Variants in FBXL13 observed in about 807,000 individuals in gnomAD.
FBXL13 encodes F-box and leucine rich repeat protein 13, also known as F-box and leucine-rich repeat protein 13.
FBXL13 carries 67 observed loss-of-function variants against 83.6 expected under a neutral mutation model. That is an observed-to-expected ratio of 0.80 (90% CI 0.66 to 0.98). The LOEUF (loss-of-function observed/expected upper bound fraction) is 0.98, where lower values mean the gene tolerates loss of function less well. Among genes scored for constraint, FBXL13 ranks in the 50% least tolerant of loss-of-function variants. The probability of loss-of-function intolerance (pLI) is 0.00; values close to 1 mark genes in which losing one functional copy is unlikely to be tolerated. For missense variants in FBXL13, 822 were observed against 866.5 expected, an observed-to-expected ratio of 0.95 and a Z score of 0.64; for synonymous variants, 272 against 299.5, an observed-to-expected ratio of 0.91 and a Z score of 0.95.
At chr7:102,956,763 A>G (rs1380628391) in intron 8 of FBXL13, among the ~76,000 whole-genome samples, 13 of 152,206 alleles carry the variant, frequency 8.5e-5, no homozygotes, top group East Asian at 1.9e-4. Flanking sequence ...GAGCCAGATT[A>G]TGAGTGAATT....
chr7:102,899,764 C>T (rs1024322498), intron 11 of FBXL13, among the ~76,000 whole-genome samples: 1 of 152,142 alleles, frequency 6.6e-6, no homozygotes, highest in Non-Finnish European at 1.5e-5. Context: ...AATTAAAGAA[C>T]CTACAGTGTG....
intron 6 of FBXL13, among the ~76,000 whole-genome samples, chr7:103,003,278 GTT>G (rs563726626): frequency 0.021 from 1,557 of 75,874 alleles, 46 homozygotes; most frequent in African/African-American, 0.096. Flanking sequence ...TTGTTTTGGG[GTT>G]TTTTTTTTTT....
intron 6 of FBXL13, among the ~76,000 whole-genome samples, chr7:103,006,368 A>G (rs113940443): frequency 0.012 from 1,816 of 152,312 alleles, 36 homozygotes; most frequent in African/African-American, 0.042. Flanking sequence ...CCAGGGACAA[A>G]ACATATACCA....
intron 19 of FBXL13, among the ~76,000 whole-genome samples, chr7:102,818,133 G>A (rs1798253027): frequency 6.6e-6 from 1 of 152,162 alleles, no homozygotes; most frequent in Non-Finnish European, 1.5e-5. Flanking sequence ...AGGGAATGTT[G>A]GAGCCACCAC....
chr7:103,000,090 G>T (rs1790233004), intron 6 of FBXL13, among the ~76,000 whole-genome samples: 1 of 151,592 alleles, frequency 6.6e-6, no homozygotes, highest in Admixed American at 6.6e-5. Flanking sequence ...ATGTTGTTTT[G>T]GTGTGTTTTT....
chr7:102,934,169 A>G, intron 8 of FBXL13: 1 of 1,614,254 alleles, frequency 6.2e-7, no homozygotes, highest in Non-Finnish European at 8.5e-7. Context: ...TTTGCTGCAC[A>G]TGCTGCTAGC....
At chr7:102,930,570 T>C (rs1170877244) in intron 9 of FBXL13, among the ~76,000 whole-genome samples, 25 of 152,226 alleles carry the variant, frequency 1.6e-4, no homozygotes, top group Admixed American at 1.6e-3. Context: ...TTCTCAAATC[T>C]ACAATGCATT....
chr7:102,825,903 T>C (rs893919211), intron 18 of FBXL13, among the ~76,000 whole-genome samples: 1 of 152,222 alleles, frequency 6.6e-6, no homozygotes, highest in African/African-American at 2.4e-5. Context: ...CGAGCCTCAG[T>C]TTCCCCATTT....
chr7:102,879,069 A>C (rs886129078), intron 14 of FBXL13, among the ~76,000 whole-genome samples: 1 of 152,188 alleles, frequency 6.6e-6, no homozygotes, highest in African/African-American at 2.4e-5. Context: ...TGTTTGGCCC[A>C]TCAGTTCCCT....
chr7:102,893,966 G>GAGAAAGAGAC, intron 11 of FBXL13, among the ~76,000 whole-genome samples: 1 of 144,654 alleles, frequency 6.9e-6, no homozygotes, highest in African/African-American at 2.6e-5. Context: ...AAGAAAGAGA[G>GAGAAAGAGAC]AAAGAAAGAA....
At chr7:103,017,772 GA>G (rs202028326) in intron 6 of FBXL13, among the ~76,000 whole-genome samples, 20,449 of 151,690 alleles carry the variant, frequency 0.13, 1,453 homozygotes, top group Middle Eastern at 0.2. Flanking sequence ...CAAGTTTAGA[GA>G]AAAAAAAGAG....
At chr7:103,053,704 C>G (rs2129495765) in intron 2 of FBXL13, among the ~76,000 whole-genome samples, 1 of 152,266 alleles carries the variant, frequency 6.6e-6, no homozygotes, top group Admixed American at 6.5e-5. Flanking sequence ...TCCCCTAGGC[C>G]TCTCCCTCAG....
At chr7:102,879,060 G>A (rs1047489733) in intron 14 of FBXL13, among the ~76,000 whole-genome samples, 1 of 152,152 alleles carries the variant, frequency 6.6e-6, no homozygotes, top group Non-Finnish European at 1.5e-5. Flanking sequence ...CTGGATGTCT[G>A]TTTGGCCCAT....
chr7:102,940,553 T>C lies in FBXL13; in HGVS notation c.725-8620A>G, dbSNP rs114949813. Among the ~76,000 whole-genome samples, 569 of 152,308 alleles carry C rather than the reference T, an allele frequency of 3.7e-3. 5 individuals carry two copies. The highest frequency in any genetic ancestry group is 0.014 in the African/African-American group (562 of 41,562). On this transcript the variant is annotated intron_variant, in intron 8 of 19. Coordinates refer to ENST00000313221, the Ensembl canonical transcript of FBXL13. The stretch of plus-strand genomic sequence containing the variant: ...AAGGGAAATTCAAATTTGGAATTTT[T>C]TTTGCTATTCATTAAGCCCCATCTT...
chr7:102,812,231 C>G (rs1562886650), downstream of FBXL13, among the ~76,000 whole-genome samples: 1 of 152,188 alleles, frequency 6.6e-6, no homozygotes, highest in African/African-American at 2.4e-5. Context: ...CAGATGTGCT[C>G]ACTTCGGCAG....
At chr7:102,854,410 T>C (rs1805728456) in intron 17 of FBXL13, among the ~76,000 whole-genome samples, 1 of 152,140 alleles carries the variant, frequency 6.6e-6, no homozygotes, top group African/African-American at 2.4e-5. Context: ...TTGGGAGATA[T>C]ACCTAATGCT....
At chr7:102,976,165 T>C in intron 6 of FBXL13, 1 of 766,326 alleles carries the variant, frequency 1.3e-6, no homozygotes. Context: ...TGATAGTGCC[T>C]TGGAACAGAC....
intron 8 of FBXL13, chr7:102,944,543 G>A (rs1221830346): frequency 1.2e-6 from 2 of 1,611,224 alleles, no homozygotes; most frequent in Non-Finnish European, 1.7e-6. Flanking sequence ...GATGATGAAT[G>A]GGAAAAAAAA....
At chr7:102,813,393 T>A (rs141623741) in exon 20 of FBXL13, 4 of 1,614,146 alleles carry the variant, frequency 2.5e-6, no homozygotes, top group Middle Eastern at 3.3e-4. Flanking sequence ...CTGTTAATTC[T>A]AAGGCTCCTT....
Sources: gnomAD v4.1 joint callset for allele counts (sites outside exome capture counted in the v4.1 genomes callset) on GRCh38, gnomAD v4.1.1 for gene constraint, MANE v1.5 for transcripts, NCBI Gene and HGNC (gene_info 2026-07-23, HGNC 2026-07-21) for gene names.